MPHOSPH6: variants seen among roughly 807,000 people sequenced by gnomAD.
MPHOSPH6 encodes M-phase phosphoprotein 6.
MPHOSPH6 carries 25 observed loss-of-function variants against 21.8 expected under a neutral mutation model. The observed-to-expected ratio is 1.15, with a 90% CI of 0.83 to 1.60. MPHOSPH6 has a LOEUF of 1.60. Ranked by LOEUF, MPHOSPH6 falls within the 40% of genes most tolerant of loss-of-function variation. The pLI, the probability that MPHOSPH6 is intolerant of heterozygous loss-of-function variation, is 0.00. For missense variants in MPHOSPH6, 269 were observed against 181.8 expected (o/e 1.48, Z -2.76); for synonymous variants, 84 against 56.5 (o/e 1.49, Z -2.18).
intron 2 of MPHOSPH6, among the ~76,000 whole-genome samples, chr16:82,157,742 G>A (rs971619671): frequency 6.6e-6 from 1 of 152,188 alleles, no homozygotes; most frequent in Non-Finnish European, 1.5e-5. Context: ...TGACATCTGA[G>A]CAAGGACCAG....
At chr16:82,152,952 C>A (rs975612932) in intron 2 of MPHOSPH6, among the ~76,000 whole-genome samples, 1 of 152,158 alleles carries the variant, frequency 6.6e-6, no homozygotes, top group African/African-American at 2.4e-5. Flanking sequence ...AATCAAACTG[C>A]GGAAACAGCC....
chr16:82,169,608 TTC>T (rs1906904491), intron 1 of MPHOSPH6, among the ~76,000 whole-genome samples: 1 of 152,210 alleles, frequency 6.6e-6, no homozygotes, highest in Non-Finnish European at 1.5e-5. Flanking sequence ...ATCTTGTTGA[TTC>T]TGTTTCTCTG....
intron 1 of MPHOSPH6, among the ~76,000 whole-genome samples, chr16:82,168,198 C>A (rs767395877): frequency 2.6e-5 from 4 of 152,182 alleles, no homozygotes; most frequent in African/African-American, 4.8e-5. Context: ...CCCAGTACAT[C>A]ATCTGGCTTA....
intron 1 of MPHOSPH6, among the ~76,000 whole-genome samples, chr16:82,169,340 G>A (rs1906894261): frequency 6.6e-6 from 1 of 152,038 alleles, no homozygotes; most frequent in Admixed American, 6.5e-5. Context: ...TCAGACTTCT[G>A]AACTCAGTTT....
Position 82,164,118 on chromosome 16 carries a change from T to C in MPHOSPH6, c.128A>G (p.His43Arg). Residue 43 changes from histidine to arginine, a missense_variant, in exon 2 of 5, where the codon CAC becomes CGC. Transcript: ENST00000258169. ...AAGCTCTGGCAAATCCAAGTACCAG[T>C]GCTCTTCACTAATGATTTTCTTTTC... ...EEEKKIISEEHWYLDLPELKE... is the reference protein window; with the variant it reads ...EEEKKIISEERWYLDLPELKE... The C allele has an allele frequency of 6.2e-7, 1 of 1,613,100 alleles. No individual in the cohort carries two copies.
chr16:82,165,040 C>T (rs1245803221), intron 1 of MPHOSPH6: 1 of 151,820 alleles, frequency 6.6e-6, no homozygotes, highest in Non-Finnish European at 1.5e-5. Flanking sequence ...CAGAAGCCTC[C>T]TAGCAGTTAG....
In MPHOSPH6 at chr16:82,148,631, G is replaced by A. The variant is rs1906157755; in HGVS notation, c.*100C>T. 9 of 1,359,362 alleles carry A rather than the reference G, an allele frequency of 6.6e-6. No individual in the cohort carries two copies. Among genetic ancestry groups the A allele is most frequent in the Admixed American group, 2.3e-5 (1 of 43,600 alleles). The allele number at this position is 1,359,362 out of a possible 1,614,324, so 84.2% of individuals were successfully genotyped here. The stretch of plus-strand genomic sequence containing the variant: ...AATGATAATCTCTTTACAAGTAAAC[G>A]TTACAGTATTAATAACTATAGAGAC... On this transcript the variant is annotated 3_prime_UTR_variant, in exon 5 of 5. Transcript: ENST00000258169.
At chr16:82,163,251 T>G (rs8050804) in intron 2 of MPHOSPH6, among the ~76,000 whole-genome samples, 12,436 of 152,262 alleles carry the variant, frequency 0.082, 1,303 homozygotes, top group African/African-American at 0.25. Context: ...GCATCTTCAG[T>G]CATTTGACCA....
At chr16:82,166,681 T>G (rs1295144741) in intron 1 of MPHOSPH6, among the ~76,000 whole-genome samples, 1 of 152,226 alleles carries the variant, frequency 6.6e-6, no homozygotes, top group Non-Finnish European at 1.5e-5. Context: ...GAAATGAACC[T>G]AGACCTATCT....
At chr16:82,164,259 T>C in intron 1 of MPHOSPH6, 65 bp from the exon 2 acceptor site, 3 of 1,054,466 alleles carry the variant, frequency 2.8e-6, no homozygotes, top group Non-Finnish European at 4.2e-6. Flanking sequence ...AAACCCCAAA[T>C]AATTTTCTTC....
chr16:82,159,032 AACT>A (rs1324803975), intron 2 of MPHOSPH6, among the ~76,000 whole-genome samples: 20 of 152,238 alleles, frequency 1.3e-4, no homozygotes. Flanking sequence ...ACTCTGAAGA[AACT>A]ACTACTGACT....
Position 82,148,696 on chromosome 16 carries a change from C to G in MPHOSPH6, c.*35G>C. 6.2e-7 allele frequency: 1 copy of G among 1,606,544 alleles called. No individual in the cohort carries two copies. Among genetic ancestry groups the G allele is most frequent in the East Asian group, 2.2e-5 (1 of 44,784 alleles). On this transcript the variant is annotated 3_prime_UTR_variant, in exon 5 of 5. Transcript: ENST00000258169. ...CTCCAGATGCCCTGCTGACTTCCAC[C>G]AAGCACCCCTGGGCCATCGCTTAAG...
rs181403812 is a variant in MPHOSPH6, at chr16:82,155,861, C to T, written c.165-4347G>A. On this transcript the variant is annotated intron_variant, in intron 2 of 4. Transcript: ENST00000258169. ...TGGAGGTTGCGGTGAGCCAAGATTG[C>T]GCCACTGCACTCCAGCCTGGGTGAC... Among the ~76,000 whole-genome samples, 528 of 151,262 alleles carry T rather than the reference C, an allele frequency of 3.5e-3. 3 individuals are homozygous for T. The highest frequency in any genetic ancestry group is 0.01 in the Middle Eastern group (3 of 292).
intron 1 of MPHOSPH6, among the ~76,000 whole-genome samples, chr16:82,166,008 C>T (rs1906766712): frequency 6.6e-6 from 1 of 152,210 alleles, no homozygotes; most frequent in Admixed American, 6.5e-5. Context: ...AGTTTCTTAG[C>T]AAACTAAACA....
At chr16:82,155,322 C>G (rs1206189521) in intron 2 of MPHOSPH6, among the ~76,000 whole-genome samples, 1 of 152,138 alleles carries the variant, frequency 6.6e-6, no homozygotes, top group Non-Finnish European at 1.5e-5. Context: ...TGTATTGGGT[C>G]CTTAGCCATG....
Position 82,148,851 on chromosome 16 carries a change from CA to C in MPHOSPH6, c.362del (p.Leu121TrpfsTer26). 1 of 1,614,124 alleles carries C rather than the reference CA, an allele frequency of 6.2e-7. No individual in the cohort carries two copies. ...CAAACTTTTTCCCAATTGTCCCCACCAAGGTCTCATATCTGTCAAGAGGACA... is the reference window on the plus strand; with the variant it reads ...CAAACTTTTTCCCAATTGTCCCCACCAGGTCTCATATCTGTCAAGAGGACA... ...DEEMARRYET[L>X]VGTIGKKFAR... On this transcript the variant is annotated frameshift_variant, in exon 5 of 5. Transcript: ENST00000258169. LOFTEE classifies it high-confidence loss of function.
chr16:82,158,350 T>A (rs1242519847), intron 2 of MPHOSPH6, among the ~76,000 whole-genome samples: 3 of 141,938 alleles, frequency 2.1e-5, no homozygotes, highest in African/African-American at 8.1e-5. Flanking sequence ...AAAAAAAAAA[T>A]TGGCTGGGCA....
intron 2 of MPHOSPH6, among the ~76,000 whole-genome samples, chr16:82,154,863 G>A (rs1249092803): frequency 3.9e-5 from 6 of 152,104 alleles, no homozygotes; most frequent in Non-Finnish European, 8.8e-5. Flanking sequence ...ACTAAGAAGA[G>A]GAGGTAGGAA....
intron 2 of MPHOSPH6, among the ~76,000 whole-genome samples, chr16:82,160,190 AAATT>A (rs1473267820): frequency 6.6e-6 from 1 of 152,206 alleles, no homozygotes; most frequent in African/African-American, 2.4e-5. Context: ...AGAATTAGAA[AAATT>A]AATTACAGAG....
Sources: gnomAD v4.1 joint callset for allele counts (sites outside exome capture counted in the v4.1 genomes callset) on GRCh38, gnomAD v4.1.1 for gene constraint, MANE v1.5 for transcripts, NCBI Gene and HGNC (gene_info 2026-07-23, HGNC 2026-07-21) for gene names.